LRRC56: variants seen among roughly 807,000 people sequenced by gnomAD.
LRRC56 encodes leucine-rich repeat-containing protein 56.
In LRRC56, 41 loss-of-function variants were observed where a neutral mutation model predicts 47.8. That is an observed-to-expected ratio of 0.86 (90% confidence interval 0.67 to 1.11). LRRC56 has a LOEUF of 1.11. Ranked by LOEUF, LRRC56 falls within the 50% of genes most tolerant of loss-of-function variation. LRRC56 has a pLI of 0.00. For missense variants in LRRC56, 759 were observed against 704.2 expected, an observed-to-expected ratio of 1.08 and a Z score of -0.88; for synonymous variants, 387 against 311.2, an observed-to-expected ratio of 1.24 and a Z score of -2.56.
intron 6 of LRRC56, among the ~76,000 whole-genome samples, chr11:546,307 G>A (rs970087394): frequency 2.6e-5 from 4 of 152,060 alleles, no homozygotes; most frequent in African/African-American, 7.2e-5. Flanking sequence ...AGTGGTTCAC[G>A]CCTGTAATCC....
At chr11:511,799 G>C in the LRRC56 span, among the ~76,000 whole-genome samples, 13 of 152,182 alleles carry the variant, frequency 8.5e-5, no homozygotes, top group Non-Finnish European at 1.3e-4. Flanking sequence ...ACAGGGCCCT[G>C]TCAGACACTG....
chr11:526,210 TAATAA>T, the LRRC56 span, among the ~76,000 whole-genome samples: 1 of 151,798 alleles, frequency 6.6e-6, no homozygotes. Context: ...GTCTCAAAAG[TAATAA>T]AATAAAAACA....
At chr11:549,835 C>T in intron 6 of LRRC56, 67 bp from the exon 7 acceptor site, 4 of 1,433,338 alleles carry the variant, frequency 2.8e-6, no homozygotes, top group South Asian at 1.2e-5. Context: ...CTGAAGACAG[C>T]CAAAGGCAGG....
At chr11:544,094 G>A (rs1337893079) in intron 5 of LRRC56, among the ~76,000 whole-genome samples, 1 of 152,220 alleles carries the variant, frequency 6.6e-6, no homozygotes, top group African/African-American at 2.4e-5. Flanking sequence ...TGCCTCACAG[G>A]GGCATATGCC....
the LRRC56 span, among the ~76,000 whole-genome samples, chr11:516,891 C>T: frequency 2.5e-4 from 38 of 152,298 alleles, 1 homozygote; most frequent in South Asian, 1.7e-3. Flanking sequence ...CCTCTGTTGC[C>T]GAGGCTGGAC....
chr11:506,741 G>A, the LRRC56 span: 1 of 152,318 alleles, frequency 6.6e-6, no homozygotes, highest in East Asian at 1.9e-4. Flanking sequence ...GGCTGGGCCA[G>A]GATTGCTTGC....
chr11:534,624 C>G, upstream of LRRC56: 1 of 504,750 alleles, frequency 2.0e-6, no homozygotes, highest in Admixed American at 3.3e-5. Flanking sequence ...GCAGGGCTGA[C>G]AGCTGAGCGC....
Position 550,202 on chromosome 11 carries a change from C to T in LRRC56, c.554C>T (p.Pro185Leu). Residue 185 changes from proline (P) to leucine (L), a missense_variant, in exon 8 of 14, where the codon CCA (proline) becomes CTA (leucine). Physicochemically the swap from Pro to Leu is moderately conservative, Grantham distance 98. Transcript: ENST00000270115. The stretch of plus-strand genomic sequence containing the variant: ...CAGGTGCGCTACTTGCAGCTGTGCC[C>T]ACGCCTGGCCATGCTCACCCTGGAG... ...LGQVRYLQLCPRLAMLTLEGN... is the reference protein window; with the variant it reads ...LGQVRYLQLCLRLAMLTLEGN... The T allele has an allele frequency of 6.2e-7, 1 of 1,612,604 alleles. No homozygotes were observed. Among genetic ancestry groups the T allele is most frequent in the Non-Finnish European group, 8.5e-7 (1 of 1,179,698 alleles).
intron 11 of LRRC56, 59 bp from the exon 12 acceptor site, chr11:552,031 C>T (rs1261196582): frequency 1.9e-6 from 3 of 1,605,808 alleles, no homozygotes; most frequent in East Asian, 2.2e-5. Flanking sequence ...CCTGACAGTG[C>T]CCTGCCCTGC....
the LRRC56 span, among the ~76,000 whole-genome samples, chr11:512,069 G>A: frequency 6.6e-6 from 1 of 151,524 alleles, no homozygotes; most frequent in South Asian, 2.1e-4. Context: ...TCAGCCTCCC[G>A]AGTAGCTGGG....
chr11:545,360 G>A (rs552771640), intron 6 of LRRC56, among the ~76,000 whole-genome samples: 1 of 152,360 alleles, frequency 6.6e-6, no homozygotes, highest in East Asian at 1.9e-4. Context: ...GCTCATTGCA[G>A]CCCAGGACTT....
At chr11:532,598 G>A (rs1418151935), upstream of LRRC56, 1 of 1,597,898 alleles carries the variant, frequency 6.3e-7, no homozygotes, top group Non-Finnish European at 8.5e-7. Flanking sequence ...GTCATCCGGT[G>A]GGCGTGGCGG....
the LRRC56 span, among the ~76,000 whole-genome samples, chr11:511,270 A>G: frequency 1.3e-4 from 19 of 150,752 alleles, no homozygotes; most frequent in East Asian, 2.2e-3. Context: ...GCAGTGAGCC[A>G]AGATCGCGCC....
intron 6 of LRRC56, among the ~76,000 whole-genome samples, chr11:547,542 C>T (rs986214314): frequency 1.8e-4 from 27 of 151,730 alleles, no homozygotes; most frequent in Admixed American, 9.2e-4. Context: ...TTAGTAGAGA[C>T]GAGGTTTCAC....
At chr11:526,646 C>A in the LRRC56 span, among the ~76,000 whole-genome samples, 304 of 152,282 alleles carry the variant, frequency 2.0e-3, 9 homozygotes, top group South Asian at 0.029. Context: ...CAAAGAAATA[C>A]TGCTCAGTGG....
rs1019249335 is a variant in LRRC56 at position 554,060 on chromosome 11, C to T, written c.1413C>T (p.Asp471=). ...SGSSSPRWST[D]LQSRGRRLRV... is the part of the protein sequence containing the mutation. ...GCAGCTCCCCGCGGTGGTCGACAGA[C>T]CTGCAGTCCAGGGGGCGTCGGCTCC... Residue 471 remains aspartate (D), a synonymous_variant, in exon 14 of 14, where the codon GAC becomes GAT. Coordinates refer to ENST00000270115, the MANE Select transcript of LRRC56 (RefSeq NM_198075.4). 9 of 1,611,008 alleles carry T rather than the reference C, an allele frequency of 5.6e-6. No homozygotes were observed. The highest frequency in any genetic ancestry group is 3.3e-5 in the Admixed American group (2 of 59,892).
the LRRC56 span, among the ~76,000 whole-genome samples, chr11:516,967 G>A: frequency 9.9e-5 from 15 of 152,096 alleles, no homozygotes; most frequent in Admixed American, 6.6e-4. Flanking sequence ...CTCCTGCCTC[G>A]GCCTGCCAAG....
chr11:546,113 A>G, intron 6 of LRRC56, among the ~76,000 whole-genome samples: 1 of 152,088 alleles, frequency 6.6e-6, no homozygotes, highest in Non-Finnish European at 1.5e-5. Flanking sequence ...TCTACTAAAA[A>G]TACAAAATTA....
intron 5 of LRRC56, among the ~76,000 whole-genome samples, chr11:543,990 C>T (rs911833866): frequency 6.6e-6 from 1 of 152,204 alleles, no homozygotes; most frequent in Non-Finnish European, 1.5e-5. Flanking sequence ...CCTAGTGATC[C>T]ACCCACCTCA....
Sources: gnomAD v4.1 joint callset for allele counts (sites outside exome capture counted in the v4.1 genomes callset) on GRCh38, gnomAD v4.1.1 for gene constraint, MANE v1.5 for transcripts, NCBI Gene and HGNC (gene_info 2026-07-23, HGNC 2026-07-21) for gene names.